Variants in PIAS1 observed in about 807,000 individuals in gnomAD.
PIAS1 encodes protein inhibitor of activated STAT 1.
A neutral mutation model predicts 71.3 loss-of-function variants in PIAS1; 6 were observed. The ratio of observed to expected loss-of-function variants is 0.08; its 90% CI spans 0.05 to 0.17. PIAS1 has a LOEUF of 0.17. PIAS1 is among the 10% of genes least tolerant of loss of function. The pLI is 1.00. For synonymous variants in PIAS1, 303 were observed against 292.9 expected (o/e 1.03, Z -0.35); for missense variants, 555 against 793.6 (o/e 0.70, Z 3.61).
intron 2 of PIAS1, among the ~76,000 whole-genome samples, chr15:68,124,742 A>T (rs1323742215): frequency 1.3e-5 from 2 of 152,106 alleles, no homozygotes; most frequent in Non-Finnish European, 2.9e-5. Context: ...AAACAAATAA[A>T]CAAAACCCAA....
intron 1 of PIAS1, chr15:68,055,079 A>T: frequency 2.9e-6 from 1 of 350,324 alleles, no homozygotes; most frequent in Non-Finnish European, 4.0e-6. Flanking sequence ...CGAGGGGAGA[A>T]ACCCCCTCGA....
rs951844415 is a variant in PIAS1 at position 68,191,021 on chromosome 15, C to T, written c.*3186C>T. On this transcript the variant is annotated 3_prime_UTR_variant, in exon 14 of 14. Transcript: ENST00000249636. ...TTCAATTTTAAACACATAAAACTTT[C>T]AAGATCTTCAGGACTTTTTAAAGCA... 1 of 152,338 alleles carries T rather than the reference C, an allele frequency of 6.6e-6. No individual in the cohort carries two copies. The highest frequency in any genetic ancestry group is 1.5e-5 in the Non-Finnish European group (1 of 68,014). 9.4% of individuals were successfully genotyped at this position (152,338 alleles called of 1,614,324 possible). A position where few individuals can be genotyped will look rare whatever the true frequency, so the allele number is the denominator to read the frequency against.
rs2093129638 is a variant in PIAS1, at chr15:68,193,469, ATTG to A, written c.*5639_*5641del. Reference sequence around the variant, plus strand: ...TAAATGGGCCTCTGGCACTGCAAGAATTGTTGTCATAAGTGTTACAGCTTTCTG... The same window carrying A: ...TAAATGGGCCTCTGGCACTGCAAGAATTGTCATAAGTGTTACAGCTTTCTG... On this transcript the variant is annotated 3_prime_UTR_variant, in exon 14 of 14. Coordinates refer to ENST00000249636, the MANE Select transcript of PIAS1 (RefSeq NM_016166.3). 1 of 152,760 alleles carries A rather than the reference ATTG, an allele frequency of 6.5e-6. No homozygotes were observed. The highest frequency in any genetic ancestry group is 1.5e-5 in the Non-Finnish European group (1 of 68,430). 9.5% of individuals were successfully genotyped at this position (152,760 alleles called of 1,614,324 possible).
intron 2 of PIAS1, among the ~76,000 whole-genome samples, chr15:68,138,333 A>G (rs144351167): frequency 6.6e-6 from 1 of 152,138 alleles, no homozygotes; most frequent in East Asian, 1.9e-4. Context: ...TACCACTCCT[A>G]TTTCATTGAC....
At chr15:68,093,854 T>A (rs981443788) in intron 2 of PIAS1, among the ~76,000 whole-genome samples, 2 of 152,186 alleles carry the variant, frequency 1.3e-5, no homozygotes, top group South Asian at 2.1e-4. Context: ...TTATTTAAAA[T>A]TTTGAAATTA....
rs1463940867 is a variant in PIAS1 at position 68,187,353 on chromosome 15, T to C, written c.1663-189T>C. On this transcript the variant is annotated intron_variant, in intron 13 of 13. Transcript: ENST00000249636. The surrounding 1 kb of genome is among the most constrained non-coding windows in gnomAD (Gnocchi z 5.3). ...TTTCCTCCAGTTTCAGATACAAAAA[T>C]GTCTTCTCAAGATCAATGCTCCAGT... is the stretch of plus-strand genomic sequence containing the variant. 2.0e-5 allele frequency among the ~76,000 whole-genome samples: 3 copies of C among 152,184 alleles called. No individual in the cohort carries two copies. The highest frequency in any genetic ancestry group is 7.2e-5 in the African/African-American group (3 of 41,444).
chr15:68,164,699 T>C (rs748187644), intron 7 of PIAS1, 32 bp from the exon 8 acceptor site: 3 of 1,307,024 alleles, frequency 2.3e-6, no homozygotes, highest in Non-Finnish European at 3.3e-6. Flanking sequence ...AAACTCTGTT[T>C]GCTTTTTTTC....
chr15:68,153,554 A>C (rs2092864471), intron 6 of PIAS1, 36 bp from the exon 7 acceptor site: 1 of 925,558 alleles, frequency 1.1e-6, no homozygotes, highest in South Asian at 1.4e-5. Flanking sequence ...ATTTACTTAC[A>C]TATGTTGTTT....
intron 2 of PIAS1, among the ~76,000 whole-genome samples, chr15:68,099,872 A>T (rs1057223798): frequency 2.0e-5 from 3 of 152,046 alleles, no homozygotes; most frequent in African/African-American, 7.2e-5. Flanking sequence ...CATTTTCCTA[A>T]TGACTAATGA....
At chr15:68,160,007 G>A (rs1198043884) in intron 7 of PIAS1, among the ~76,000 whole-genome samples, 1 of 152,116 alleles carries the variant, frequency 6.6e-6, no homozygotes, top group Admixed American at 6.6e-5. Flanking sequence ...CTGCTTTATT[G>A]TAGCCATCGT....
intron 2 of PIAS1, chr15:68,087,746 T>C (rs962265905): frequency 3.2e-6 from 1 of 307,740 alleles, no homozygotes; most frequent in African/African-American, 2.2e-5. Flanking sequence ...TGGCAAGTGT[T>C]GAGAACATTT....
chr15:68,097,175 A>G (rs186198303), intron 2 of PIAS1, among the ~76,000 whole-genome samples: 30 of 152,058 alleles, frequency 2.0e-4, no homozygotes, highest in African/African-American at 6.5e-4. Context: ...AGTTTTTTTC[A>G]TTCTGTTAAT....
At chr15:68,170,855 G>T (rs1455941706) in intron 8 of PIAS1, among the ~76,000 whole-genome samples, 1 of 152,068 alleles carries the variant, frequency 6.6e-6, no homozygotes, top group Non-Finnish European at 1.5e-5. Flanking sequence ...TGGCCAGGCT[G>T]GTCTCAAACT....
At chr15:68,155,449 TAAA>T (rs71937461) in intron 7 of PIAS1, among the ~76,000 whole-genome samples, 2 of 103,306 alleles carry the variant, frequency 1.9e-5, no homozygotes, top group East Asian at 4.2e-4. Flanking sequence ...ATGCTGCCTG[TAAA>T]AAAAAAAAAA....
At chr15:68,078,596 G>T (rs1310996763) in intron 1 of PIAS1, among the ~76,000 whole-genome samples, 1 of 152,040 alleles carries the variant, frequency 6.6e-6, no homozygotes, top group African/African-American at 2.4e-5. Context: ...CTCAGCTCTG[G>T]CTGAGCTTGT....
At chr15:68,066,800 A>G (rs758584286) in intron 1 of PIAS1, among the ~76,000 whole-genome samples, 16 of 152,208 alleles carry the variant, frequency 1.1e-4, no homozygotes, top group African/African-American at 1.7e-4. Flanking sequence ...ACCTTTAAAA[A>G]AAAAGTATAG....
intron 2 of PIAS1, among the ~76,000 whole-genome samples, chr15:68,094,582 C>T (rs2092358588): frequency 1.3e-5 from 2 of 152,042 alleles, no homozygotes; most frequent in Non-Finnish European, 2.9e-5. Context: ...CTTCTTTTCT[C>T]ATTTTTTATA....
chr15:68,164,061 A>C (rs971449351), intron 7 of PIAS1, among the ~76,000 whole-genome samples: 3 of 152,146 alleles, frequency 2.0e-5, no homozygotes, highest in African/African-American at 7.2e-5. Flanking sequence ...CTTAAGAACC[A>C]TAAGAAGTTT....
chr15:68,091,798 A>G (rs868479602), intron 2 of PIAS1, among the ~76,000 whole-genome samples: 56 of 152,340 alleles, frequency 3.7e-4, no homozygotes, highest in Non-Finnish European at 4.1e-4. Flanking sequence ...CCTGTTTTAT[A>G]ATTAAGTATT....
Sources: allele counts gnomAD v4.1 joint callset (sites outside exome capture counted in the v4.1 genomes callset), GRCh38; gene constraint gnomAD v4.1.1; non-coding constraint Gnocchi (gnomAD v3.1); transcripts MANE v1.5; gene names NCBI Gene and HGNC (gene_info 2026-07-23, HGNC 2026-07-21).